HNRNPUL1: variants seen among roughly 807,000 people sequenced by gnomAD.
HNRNPUL1 encodes heterogeneous nuclear ribonucleoprotein U like 1.
HNRNPUL1 carries 14 observed loss-of-function variants against 108.5 expected under a neutral mutation model. The ratio of observed to expected loss-of-function variants is 0.13; its 90% CI spans 0.09 to 0.20. HNRNPUL1 has a LOEUF of 0.20. Ranked by LOEUF, HNRNPUL1 falls within the 10% of genes least tolerant of loss-of-function variation. HNRNPUL1 has a pLI of 1.00. For missense variants in HNRNPUL1, 804 were observed against 1,168.3 expected (o/e 0.69, Z 4.55); for synonymous variants, 422 against 445.2 (o/e 0.95, Z 0.66).
At chr19:41,264,034 G>C (rs1334204705), upstream of HNRNPUL1, among the ~76,000 whole-genome samples, 1 of 152,214 alleles carries the variant, frequency 6.6e-6, no homozygotes, top group Non-Finnish European at 1.5e-5. Flanking sequence ...CGCAGGAAAG[G>C]CCGTGGGACA....
At chr19:41,287,582 CAG>C (rs1428992398) in intron 7 of HNRNPUL1, among the ~76,000 whole-genome samples, 1 of 151,984 alleles carries the variant, frequency 6.6e-6, no homozygotes, top group Non-Finnish European at 1.5e-5. Context: ...GTTTTTGAGA[CAG>C]AGTTTCGCTC....
intron 7 of HNRNPUL1, among the ~76,000 whole-genome samples, chr19:41,282,391 A>G (rs1205504803): frequency 6.6e-6 from 1 of 152,168 alleles, no homozygotes; most frequent in Non-Finnish European, 1.5e-5. Flanking sequence ...CATGTTGGTC[A>G]GGCTGGTCTC....
chr19:41,272,541 C>T lies in HNRNPUL1; in HGVS notation c.572+306C>T, dbSNP rs191138565. ...GCCCCTGCAGTCAGCTGCTTGATAC[C>T]CGTAATGAAAGAAATATCTGTTTCC... On this transcript the variant is annotated intron_variant, in intron 3 of 14. Transcript: ENST00000392006. 3.5e-3 allele frequency among the ~76,000 whole-genome samples: 539 copies of T among 152,266 alleles called. 3 individuals carry two copies. The highest frequency in any genetic ancestry group is 6.8e-3 in the Middle Eastern group (2 of 294).
At chr19:41,303,208 C>T (rs1184263878) in intron 12 of HNRNPUL1, among the ~76,000 whole-genome samples, 2 of 152,114 alleles carry the variant, frequency 1.3e-5, no homozygotes, top group Non-Finnish European at 2.9e-5. Flanking sequence ...TTTTTGTGAA[C>T]CTTCCCCCAT....
chr19:41,268,223 A>G lies in HNRNPUL1; in HGVS notation c.296A>G (p.Tyr99Cys), dbSNP rs2034976001. The G allele has an allele frequency of 3.1e-6, 5 of 1,612,056 alleles. No individual in the cohort carries two copies. The highest frequency in any genetic ancestry group is 3.4e-6 in the Non-Finnish European group (4 of 1,179,326). The change falls in exon 2 of 15, where the codon TAT becomes TGT. Residue 99 changes from tyrosine (Y) to cysteine (C), a missense_variant and splice_region_variant. By Grantham distance (194) the Tyr-to-Cys change is radical. Transcript: ENST00000392006. ...TGGCCATTTTTAATTTTGTTTTAAGATGCCATGGACAATATTACCAGGCAG... is the reference window on the plus strand; with the variant it reads ...TGGCCATTTTTAATTTTGTTTTAAGGTGCCATGGACAATATTACCAGGCAG... ...PGGYSGPDGH[Y>C]AMDNITRQNQ...
intron 7 of HNRNPUL1, among the ~76,000 whole-genome samples, chr19:41,289,053 G>C (rs1451547882): frequency 6.6e-6 from 1 of 151,926 alleles, no homozygotes; most frequent in Non-Finnish European, 1.5e-5. Context: ...ACTCCAAACA[G>C]GTTGCAGTAA....
In HNRNPUL1 at chr19:41,273,612, C is replaced by T. The variant is rs2035372664; in HGVS notation, c.573-370C>T. Among the ~76,000 whole-genome samples the T allele has an allele frequency of 2.0e-5, 3 of 152,212 alleles. No individual in the cohort carries two copies. In the South Asian group the frequency reaches 6.2e-4, roughly 32 times the overall value. On this transcript the variant is annotated intron_variant, in intron 3 of 14. Transcript: ENST00000392006. The stretch of plus-strand genomic sequence containing the variant: ...TGCACATTCCCCTTCCTGGCCAGCA[C>T]CCTTTTGGGATACCACAGCCTCCAA...
At chr19:41,305,893 G>A in intron 14 of HNRNPUL1, 26 bp downstream of exon 14, 7 of 1,467,866 alleles carry the variant, frequency 4.8e-6, no homozygotes, top group Non-Finnish European at 6.6e-6. Context: ...GGGGCCAACT[G>A]GATGGAGAGA....
chr19:41,287,355 A>C (rs1400752719), intron 7 of HNRNPUL1, among the ~76,000 whole-genome samples: 1 of 152,090 alleles, frequency 6.6e-6, no homozygotes, highest in African/African-American at 2.4e-5. Context: ...AAAGTTATTA[A>C]ATTTAAAACT....
intron 5 of HNRNPUL1, among the ~76,000 whole-genome samples, chr19:41,277,103 A>AC (rs1243419901): frequency 8.1e-5 from 12 of 147,754 alleles, no homozygotes; most frequent in South Asian, 2.1e-4. Flanking sequence ...TCTCAAAAAA[A>AC]AAAAACAAAA....
chr19:41,288,261 T>C (rs1021462432), intron 7 of HNRNPUL1, among the ~76,000 whole-genome samples: 1 of 152,008 alleles, frequency 6.6e-6, no homozygotes, highest in East Asian at 1.9e-4. Flanking sequence ...TTTAATTTTT[T>C]TGAGACAGAG....
intron 7 of HNRNPUL1, among the ~76,000 whole-genome samples, chr19:41,281,700 A>G (rs957427299): frequency 6.6e-6 from 1 of 152,112 alleles, no homozygotes; most frequent in African/African-American, 2.4e-5. Context: ...ACATTGGTTG[A>G]GCCAGGCTTC....
chr19:41,302,511 G>A lies in HNRNPUL1; in HGVS notation c.1688-154G>A, dbSNP rs146851124. On this transcript the variant is annotated intron_variant, in intron 11 of 14. Coordinates refer to ENST00000392006, the MANE Select transcript of HNRNPUL1 (RefSeq NM_007040.6). ...TGGGATTACAGGCGTGAGCCACCGC[G>A]CCCGCCCTTCTGTCTATGTCTTTCT... The A allele has an allele frequency of 2.8e-3, 2,732 of 971,248 alleles. 11 individuals are homozygous for A. The highest frequency in any genetic ancestry group is 3.1e-3 in the Middle Eastern group (15 of 4,880). 60.2% of individuals were successfully genotyped at this position (971,248 alleles called of 1,614,324 possible).
intron 1 of HNRNPUL1, 34 bp downstream of exon 1, chr19:41,264,832 G>C: frequency 7.5e-7 from 1 of 1,342,278 alleles, no homozygotes; most frequent in African/African-American, 1.5e-5. Flanking sequence ...CGGGGAGCCC[G>C]GAGCCTGGGC....
chr19:41,279,788 A>G (rs2035797620), intron 6 of HNRNPUL1, among the ~76,000 whole-genome samples: 2 of 152,238 alleles, frequency 1.3e-5, no homozygotes, highest in South Asian at 4.1e-4. Flanking sequence ...GCCATACAGA[A>G]AGGGAAAAAT....
At chr19:41,305,479 G>A (rs911741243) in intron 13 of HNRNPUL1, among the ~76,000 whole-genome samples, 197 bp from the exon 14 acceptor site, 2 of 152,216 alleles carry the variant, frequency 1.3e-5, no homozygotes, top group African/African-American at 4.8e-5. Flanking sequence ...ACAGCCCTGG[G>A]GCTTGCCCTT....
At position 41,304,342 on chromosome 19, in the gene HNRNPUL1, G is replaced by A. The variant is rs2122998824; in HGVS notation, c.2262+81G>A. 4 of 1,523,744 alleles carry A rather than the reference G, an allele frequency of 2.6e-6. No individual in the cohort carries two copies. The South Asian group carries it at 5.2e-5, about 20-fold the overall frequency. 94.4% of individuals were successfully genotyped at this position (1,523,744 alleles called of 1,614,324 possible). ...GAGCAAGTTAGGTGGAGGCGGATCT[G>A]GGGAAATCAACACATGCCCCAGCTA... On this transcript the variant is annotated intron_variant, in intron 13 of 14. Transcript: ENST00000392006.
chr19:41,283,913 C>T (rs991090312), intron 7 of HNRNPUL1, among the ~76,000 whole-genome samples: 1 of 152,168 alleles, frequency 6.6e-6, no homozygotes, highest in Non-Finnish European at 1.5e-5. Context: ...AATTAACCAG[C>T]GCATACTGTA....
intron 7 of HNRNPUL1, among the ~76,000 whole-genome samples, chr19:41,282,905 G>A (rs1471333791): frequency 4.6e-5 from 7 of 150,932 alleles, no homozygotes; most frequent in South Asian, 2.1e-4. Flanking sequence ...CGTTTTAGCC[G>A]GGATGGTCTC....
Sources: gnomAD v4.1 joint callset for allele counts (sites outside exome capture counted in the v4.1 genomes callset) on GRCh38, gnomAD v4.1.1 for gene constraint, MANE v1.5 for transcripts, NCBI Gene and HGNC (gene_info 2026-07-23, HGNC 2026-07-21) for gene names.